The following TBC1D5 variants were observed in gnomAD, a reference collection of about 807,000 sequenced individuals.
The protein encoded by TBC1D5 is TBC1 domain family member 5.
Under a neutral mutation model 100.3 loss-of-function variants are expected in TBC1D5, and 75 were observed. The observed-to-expected ratio is 0.75, with a 90% CI of 0.62 to 0.91. The LOEUF is 0.91. TBC1D5 is among the 40% of genes least tolerant of loss of function. TBC1D5 has a pLI of 0.00. For synonymous variants in TBC1D5, 323 were observed against 325.6 expected, an observed-to-expected ratio of 0.99 and a Z score of 0.09; for missense variants, 910 against 942.4, an observed-to-expected ratio of 0.97 and a Z score of 0.45.
chr3:17,546,497 C>A lies in TBC1D5; in HGVS notation c.-35-37892G>T, dbSNP rs188227476. Among the ~76,000 whole-genome samples, 1,501 of 152,118 alleles carry A rather than the reference C, an allele frequency of 9.9e-3. 28 individuals carry two copies. Among genetic ancestry groups the A allele is most frequent in the African/African-American group, 0.034 (1,405 of 41,502 alleles). On this transcript the variant is annotated intron_variant, in intron 2 of 21. Coordinates refer to ENST00000253692, the Ensembl canonical transcript of TBC1D5. Reference sequence around the variant, plus strand: ...AAGTAATAGCAGCCAGGCACGGTGGCTCACATCTGTAATGCTAGCACTTTG... The same window carrying A: ...AAGTAATAGCAGCCAGGCACGGTGGATCACATCTGTAATGCTAGCACTTTG...
At chr3:17,640,307 A>T in intron 1 of TBC1D5, among the ~76,000 whole-genome samples, 1 of 152,206 alleles carries the variant, frequency 6.6e-6, no homozygotes, top group Non-Finnish European at 1.5e-5. Flanking sequence ...GAATTAGCTT[A>T]TCTGAATTAA....
intron 15 of TBC1D5, among the ~76,000 whole-genome samples, chr3:17,287,188 G>C (rs1399759615): frequency 3.3e-5 from 5 of 152,136 alleles, no homozygotes; most frequent in African/African-American, 1.2e-4. Context: ...AAATATTCTC[G>C]ATTAGTGATG....
chr3:17,362,044 A>C (rs1169922408), intron 13 of TBC1D5, among the ~76,000 whole-genome samples: 3 of 152,172 alleles, frequency 2.0e-5, no homozygotes, highest in African/African-American at 7.2e-5. Flanking sequence ...TCAATGGAGA[A>C]AGGGTAGTCT....
At chr3:17,328,986 A>G (rs1209302942) in intron 13 of TBC1D5, among the ~76,000 whole-genome samples, 1 of 152,220 alleles carries the variant, frequency 6.6e-6, no homozygotes, top group Non-Finnish European at 1.5e-5. Flanking sequence ...CTGAGGAAAG[A>G]GGAAAAAAGG....
At chr3:17,302,961 T>C (rs2083009397) in intron 14 of TBC1D5, among the ~76,000 whole-genome samples, 3 of 152,200 alleles carry the variant, frequency 2.0e-5, no homozygotes. Flanking sequence ...AATAAAAACT[T>C]GACACCAGTG....
intron 3 of TBC1D5, among the ~76,000 whole-genome samples, chr3:17,503,800 A>T (rs1299209684): frequency 6.7e-6 from 1 of 149,654 alleles, no homozygotes; most frequent in Non-Finnish European, 1.5e-5. Context: ...GAAAAGTAAT[A>T]ATTTATTTCC....
intron 13 of TBC1D5, among the ~76,000 whole-genome samples, chr3:17,345,932 G>C (rs1441112038): frequency 6.6e-6 from 1 of 151,050 alleles, no homozygotes; most frequent in African/African-American, 2.4e-5. Context: ...GGTGGGGAGA[G>C]GGGGGAGGGA....
In TBC1D5 at chr3:17,533,634, T is replaced by C. The variant is rs572505210; in HGVS notation, c.-35-25029A>G. On this transcript the variant is annotated intron_variant, in intron 2 of 21. Coordinates refer to ENST00000253692, the Ensembl canonical transcript of TBC1D5. ...GATAAATTTATTAATAGAGTCAGTA[T>C]ATAATAGATTTTGTGAATTGTCAAA... 9.8e-5 allele frequency among the ~76,000 whole-genome samples: 15 copies of C among 152,310 alleles called. No homozygotes were observed. In the South Asian group the frequency reaches 2.1e-3, roughly 21 times the overall value.
chr3:17,259,620 T>A (rs571215010), intron 15 of TBC1D5, among the ~76,000 whole-genome samples: 173 of 151,622 alleles, frequency 1.1e-3, no homozygotes, highest in African/African-American at 3.9e-3. Context: ...ACGGAAAAGC[T>A]GCATATTATC....
chr3:17,320,033 T>C (rs1367442990), intron 13 of TBC1D5, among the ~76,000 whole-genome samples: 1 of 152,238 alleles, frequency 6.6e-6, no homozygotes, highest in Non-Finnish European at 1.5e-5. Flanking sequence ...GTAACTTAAA[T>C]AGTCCTTTTA....
At chr3:17,741,917 G>A (rs964636551), upstream of TBC1D5, among the ~76,000 whole-genome samples, 1 of 141,812 alleles carries the variant, frequency 7.1e-6, no homozygotes, top group Admixed American at 7.6e-5. Context: ...TTCCTCAAAA[G>A]TGAAGTCAAG....
intron 19 of TBC1D5, 79 bp downstream of exon 20, chr3:17,185,030 A>T (rs1280683016): frequency 1.0e-5 from 13 of 1,285,148 alleles, no homozygotes; most frequent in African/African-American, 2.9e-5. Context: ...AGCTTAGCAC[A>T]AGGCCTAGAA....
chr3:17,408,833 G>T (rs2093845319), intron 4 of TBC1D5, among the ~76,000 whole-genome samples: 1 of 151,834 alleles, frequency 6.6e-6, no homozygotes, highest in Non-Finnish European at 1.5e-5. Context: ...TCCTTTCATT[G>T]TTTTCTCTTG....
chr3:17,547,560 C>A (rs930218848), intron 2 of TBC1D5, among the ~76,000 whole-genome samples: 1 of 152,126 alleles, frequency 6.6e-6, no homozygotes, highest in African/African-American at 2.4e-5. Flanking sequence ...TTTCTTTTTC[C>A]TATTTTTGAT....
chr3:17,248,212 G>A (rs531322468), intron 16 of TBC1D5, among the ~76,000 whole-genome samples: 3 of 152,212 alleles, frequency 2.0e-5, no homozygotes, highest in East Asian at 1.9e-4. Context: ...GGCTGGTCTC[G>A]AACTCCTGAC....
At chr3:17,508,443 C>T (rs199880718) in intron 3 of TBC1D5, 31 bp downstream of exon 3, 3 of 1,567,122 alleles carry the variant, frequency 1.9e-6, no homozygotes, top group Non-Finnish European at 2.6e-6. Context: ...CAGTACACTA[C>T]CTACAAATAG....
intron 15 of TBC1D5, among the ~76,000 whole-genome samples, chr3:17,278,790 G>A (rs1057089666): frequency 1.6e-4 from 24 of 152,182 alleles, no homozygotes; most frequent in Admixed American, 1.3e-4. Context: ...ATTCCTTAAT[G>A]TTAATTAGCT....
intron 18 of TBC1D5, among the ~76,000 whole-genome samples, chr3:17,211,808 G>C (rs1322499549): frequency 6.6e-6 from 1 of 152,124 alleles, no homozygotes; most frequent in Admixed American, 6.5e-5. Context: ...TTTTAGGAGG[G>C]AACAGAGCTA....
intron 1 of TBC1D5, among the ~76,000 whole-genome samples, chr3:17,629,796 G>A (rs376369230): frequency 6.6e-6 from 1 of 152,146 alleles, no homozygotes; most frequent in African/African-American, 2.4e-5. Context: ...ACTGAATTTT[G>A]CCAAAAAACT....
Sources: allele counts gnomAD v4.1 joint callset (sites outside exome capture counted in the v4.1 genomes callset), GRCh38; gene constraint gnomAD v4.1.1; transcripts MANE v1.5; gene names NCBI Gene and HGNC (gene_info 2026-07-23, HGNC 2026-07-21).